ZNF106: variants seen among roughly 807,000 people sequenced by gnomAD.
The protein encoded by ZNF106 is SH3-domain binding protein 3.
A neutral mutation model predicts 195.1 loss-of-function variants in ZNF106; 67 were observed. That is an observed-to-expected ratio of 0.34 (90% CI 0.28 to 0.42). The LOEUF is 0.42. ZNF106 is among the 10% of genes least tolerant of loss of function. The pLI is 1.00. For synonymous variants in ZNF106, 784 were observed against 818.6 expected, an observed-to-expected ratio of 0.96 and a Z score of 0.72; for missense variants, 2,118 against 2,304.5, an observed-to-expected ratio of 0.92 and a Z score of 1.66.
chr15:42,467,039 A>C (rs539088578), intron 2 of ZNF106, among the ~76,000 whole-genome samples: 1 of 152,324 alleles, frequency 6.6e-6, no homozygotes, highest in African/African-American at 2.4e-5. Context: ...AGGCTGAGGC[A>C]GGAGAATCGC....
At chr15:42,487,154 AAAAAT>A (rs902868933) in intron 1 of ZNF106, among the ~76,000 whole-genome samples, 4 of 151,940 alleles carry the variant, frequency 2.6e-5, no homozygotes, top group South Asian at 2.1e-4. Flanking sequence ...CCATCTTTAA[AAAAAT>A]AAAATAAAAT....
chr15:42,442,474 G>A, intron 9 of ZNF106, 60 bp from the exon 10 acceptor site: 3 of 1,396,912 alleles, frequency 2.1e-6, no homozygotes, highest in Non-Finnish European at 2.9e-6. Context: ...AGTCATTTGT[G>A]TCTGAGCTAA....
Position 42,438,634 on chromosome 15 carries a change from T to C in ZNF106, c.4578A>G (p.Ile1526Met), listed in dbSNP as rs2055376385. ...TACCTGAAGAATTCTTTGATCCTTT[T>C]ATGGAGGAGATCACAGTCTGAGTTT... ...VAETQTVISS[I>M]KGSKNSSEIS... The change falls in exon 12 of 22, where the codon ATA becomes ATG. Residue 1526 changes from isoleucine to methionine, a missense_variant. Physicochemically the swap from Ile to Met is conservative, Grantham distance 10 (BLOSUM62 1). Transcript: ENST00000564754. 1.2e-6 allele frequency: 2 copies of C among 1,613,862 alleles called. No individual in the cohort carries two copies. The highest frequency in any genetic ancestry group is 4.5e-5 in the East Asian group (2 of 44,842).
Position 42,451,248 on chromosome 15 carries a change from G to A in ZNF106, c.1024C>T (p.Leu342=). 1.2e-6 allele frequency: 2 copies of A among 1,614,128 alleles called. No individual in the cohort carries two copies. Among genetic ancestry groups the A allele is most frequent in the Non-Finnish European group, 1.7e-6 (2 of 1,180,032 alleles). ...GCTTGTTTAGTGGTTTGGCTTTCCA[G>A]CTGCTCAAAATTGAAGTCGAGTAAG... ...EGLLDFNFEQ[L]ESQTTKQADT... The change falls in exon 5 of 22, where the codon CTG becomes TTG. Residue 342 remains leucine, a synonymous_variant. Coordinates refer to ENST00000564754, the MANE Select transcript of ZNF106 (RefSeq NM_001366845.3).
At chr15:42,447,964 A>C in intron 6 of ZNF106, 108 bp downstream of exon 6, 1 of 1,269,352 alleles carries the variant, frequency 7.9e-7, no homozygotes. Flanking sequence ...CTAGAAGTTG[A>C]GAGAATCACA....
At chr15:42,435,613 C>A in intron 13 of ZNF106, 95 bp from the exon 14 acceptor site, 1 of 1,471,800 alleles carries the variant, frequency 6.8e-7, no homozygotes, top group Non-Finnish European at 9.4e-7. Context: ...ACATTCAGTT[C>A]ACTGCTGTAT....
intron 1 of ZNF106, among the ~76,000 whole-genome samples, chr15:42,487,974 A>G (rs1225161852): frequency 6.6e-6 from 1 of 152,198 alleles, no homozygotes; most frequent in East Asian, 1.9e-4. Flanking sequence ...GAAATGGCAC[A>G]GTATATGCAT....
intron 14 of ZNF106, among the ~76,000 whole-genome samples, chr15:42,434,703 A>C (rs1027655507): frequency 2.6e-5 from 4 of 152,168 alleles, no homozygotes; most frequent in African/African-American, 9.6e-5. Context: ...ATTTAGGTTT[A>C]AAAAACTCTC....
At chr15:42,468,482 CGCCTATAATCCCA>C (rs1247534559) in intron 2 of ZNF106, among the ~76,000 whole-genome samples, 1 of 151,886 alleles carries the variant, frequency 6.6e-6, no homozygotes, top group African/African-American at 2.4e-5. Context: ...CGGTGGCTCA[CGCCTATAATCCCA>C]GCACTTTGGG....
intron 13 of ZNF106, among the ~76,000 whole-genome samples, chr15:42,436,450 A>C (rs1200342553): frequency 6.6e-6 from 1 of 152,088 alleles, no homozygotes; most frequent in African/African-American, 2.4e-5. Context: ...AGCTAAAGGA[A>C]TCTACACACC....
At chr15:42,420,511 G>T in intron 20 of ZNF106, among the ~76,000 whole-genome samples, 1 of 152,164 alleles carries the variant, frequency 6.6e-6, no homozygotes, top group Middle Eastern at 3.2e-3. Context: ...TTTTAAAATG[G>T]AGAGTGTCAA....
Position 42,417,696 on chromosome 15 carries a change from C to T in ZNF106, c.5664+109G>A. On this transcript the variant is annotated intron_variant, in intron 21 of 21. Transcript: ENST00000564754. ...TCTCTGAATCATAAAAATAAAAAAC[C>T]CTAGGCCCTCCCTATATATGGCAAT... 2.7e-5 allele frequency: 35 copies of T among 1,306,140 alleles called. No homozygotes were observed. The South Asian group carries it at 5.0e-4, about 19-fold the overall frequency. 80.9% of individuals were successfully genotyped at this position (1,306,140 alleles called of 1,614,324 possible).
intron 1 of ZNF106, 75 bp from the exon 2 acceptor site, chr15:42,472,396 T>C: frequency 9.1e-7 from 1 of 1,095,878 alleles, no homozygotes; most frequent in South Asian, 1.6e-5. Flanking sequence ...ATAACCAAAA[T>C]TACAAGTCTT....
chr15:42,462,598 CAATA>C (rs767382558), intron 3 of ZNF106, among the ~76,000 whole-genome samples: 51 of 151,848 alleles, frequency 3.4e-4, no homozygotes, highest in African/African-American at 1.1e-3. Flanking sequence ...AACTCCGTCT[CAATA>C]AATAAATAAA....
chr15:42,429,626 A>C (rs954233910), intron 14 of ZNF106, among the ~76,000 whole-genome samples: 1 of 151,992 alleles, frequency 6.6e-6, no homozygotes, highest in Non-Finnish European at 1.5e-5. Flanking sequence ...TCAGTCACTT[A>C]AATTATTCAA....
intron 17 of ZNF106, among the ~76,000 whole-genome samples, chr15:42,423,472 G>A (rs910081756): frequency 6.6e-6 from 1 of 152,040 alleles, no homozygotes; most frequent in Non-Finnish European, 1.5e-5. Flanking sequence ...GAACTCCTGG[G>A]GCCAAATAAT....
At chr15:42,479,501 T>A (rs1301483169) in intron 1 of ZNF106, among the ~76,000 whole-genome samples, 1 of 152,134 alleles carries the variant, frequency 6.6e-6, no homozygotes, top group Non-Finnish European at 1.5e-5. Context: ...AAAAAGTATA[T>A]TCTGCAGTTG....
In ZNF106 at chr15:42,442,196, G is replaced by A. The variant is rs756230104; in HGVS notation, c.3640C>T (p.Pro1214Ser). Residue 1214 changes from proline to serine, a missense_variant, in exon 10 of 22, where the codon CCT becomes TCT. By Grantham distance (74) the Pro-to-Ser change is moderately conservative. Coordinates refer to ENST00000564754, the MANE Select transcript of ZNF106 (RefSeq NM_001366845.3). ...SPTFQTHGSV[P>S]APDSSVQIKQ... ...ATCTGAACTGATGAGTCTGGAGCAG[G>A]GACACTGCCATGGGTTTGGAAAGTA... 6.2e-7 allele frequency: 1 copy of A among 1,614,138 alleles called. No homozygotes were observed. The highest frequency in any genetic ancestry group is 8.5e-7 in the Non-Finnish European group (1 of 1,180,004).
intron 3 of ZNF106, among the ~76,000 whole-genome samples, chr15:42,460,641 A>C (rs2056366878): frequency 1.3e-5 from 2 of 152,196 alleles, no homozygotes; most frequent in Non-Finnish European, 2.9e-5. Context: ...CAGGCAGATC[A>C]CCTGAGGTCA....
Sources: gnomAD v4.1 joint callset for allele counts (sites outside exome capture counted in the v4.1 genomes callset) on GRCh38, gnomAD v4.1.1 for gene constraint, MANE v1.5 for transcripts, NCBI Gene and HGNC (gene_info 2026-07-23, HGNC 2026-07-21) for gene names.